CFAP47: variants seen among roughly 807,000 people sequenced by gnomAD.
The protein encoded by CFAP47 is cilia and flagella associated protein 47, also known as cilia- and flagella-associated protein 47.
A neutral mutation model predicts 148.1 loss-of-function variants in CFAP47; 29 were observed. That is an observed-to-expected ratio of 0.20 (90% CI 0.15 to 0.27). The LOEUF (loss-of-function observed/expected upper bound fraction) is 0.27, where lower values mean the gene tolerates loss of function less well. Ranked by LOEUF, CFAP47 falls within the 10% of genes least tolerant of loss-of-function variation. The pLI, the probability that CFAP47 is intolerant of heterozygous loss-of-function variation, is 1.00. For synonymous variants in CFAP47, 664 were observed against 577.3 expected (o/e 1.15, Z -2.15); for missense variants, 1,872 against 1,697.5 (o/e 1.10, Z -1.81).
At chrX:36,355,426 T>C (rs1264617634) in intron 60 of CFAP47, among the ~76,000 whole-genome samples, 1 of 112,122 alleles carries the variant, frequency 8.9e-6, no homozygotes, top group Non-Finnish European at 1.9e-5. Flanking sequence ...TATTCCAATG[T>C]TCATTGTAAC....
intron 40 of CFAP47, among the ~76,000 whole-genome samples, chrX:36,182,373 GT>G (rs1939760227): frequency 9.0e-6 from 1 of 111,520 alleles, no homozygotes; most frequent in African/African-American, 3.3e-5. Context: ...GATTATTGGG[GT>G]AATTAACCAA....
intron 54 of CFAP47, among the ~76,000 whole-genome samples, chrX:36,306,281 G>C (rs782691467): frequency 9.0e-6 from 1 of 111,480 alleles, no homozygotes; most frequent in East Asian, 2.8e-4. Context: ...TATCCTAGCA[G>C]GTCACACCTT....
At position 36,257,835 on chromosome X, in the gene CFAP47, T is replaced by C. The variant is rs147241573; in HGVS notation, c.7444+6391T>C. On this transcript the variant is annotated intron_variant, in intron 49 of 63. Coordinates refer to ENST00000378653, the MANE Select transcript of CFAP47 (RefSeq NM_001304548.2). ...ACTGTAGTCACCAAGGTGCTTTAAA[T>C]ATTTTTACTCCATACTAAAAAACTA... Among the ~76,000 whole-genome samples, 641 of 111,864 alleles carry C rather than the reference T, an allele frequency of 5.7e-3. 8 individuals are homozygous for C. Among genetic ancestry groups the C allele is most frequent in the African/African-American group, 0.019 (585 of 30,781 alleles).
At chrX:36,304,195 A>T (rs1941326794) in intron 54 of CFAP47, among the ~76,000 whole-genome samples, 1 of 110,759 alleles carries the variant, frequency 9.0e-6, no homozygotes, top group Admixed American at 9.7e-5. Flanking sequence ...CAGCCTGCCC[A>T]ACATGGCAAA....
chrX:36,078,921 C>A (rs2146769017), intron 29 of CFAP47, among the ~76,000 whole-genome samples: 1 of 110,891 alleles, frequency 9.0e-6, no homozygotes, highest in South Asian at 3.8e-4. Context: ...GATTTTATTT[C>A]TCCTTCACTT....
At chrX:36,129,933 A>C (rs1421476245) in intron 33 of CFAP47, among the ~76,000 whole-genome samples, 1 of 111,725 alleles carries the variant, frequency 9.0e-6, no homozygotes, top group African/African-American at 3.2e-5. Flanking sequence ...AAATATTTGA[A>C]TAGACATTTC....
intron 42 of CFAP47, among the ~76,000 whole-genome samples, chrX:36,197,124 A>G (rs1367076654): frequency 5.4e-5 from 6 of 111,934 alleles, no homozygotes; most frequent in Non-Finnish European, 1.1e-4. Context: ...TTGATATTGA[A>G]CATGTTAGTC....
chrX:36,167,651 C>G (rs1045122493), intron 39 of CFAP47, among the ~76,000 whole-genome samples: 12 of 111,015 alleles, frequency 1.1e-4, no homozygotes, highest in African/African-American at 3.6e-4. Context: ...GTATCCCATG[C>G]CTCCCAGAAA....
chrX:36,312,725 A>T (rs1490220349), intron 56 of CFAP47, among the ~76,000 whole-genome samples: 7 of 112,143 alleles, frequency 6.2e-5, no homozygotes, highest in Non-Finnish European at 9.4e-5. Context: ...CTATGTAACA[A>T]TAAAACATAG....
intron 15 of CFAP47, among the ~76,000 whole-genome samples, chrX:35,985,297 G>A (rs774024712): frequency 9.0e-6 from 1 of 111,000 alleles, no homozygotes. Context: ...TATTGGGGGT[G>A]CTGTCAAAAG....
Position 36,251,503 on chromosome X carries a change from G to A in CFAP47, c.7444+59G>A, listed in dbSNP as rs1043609657. ...TCCTACTACGCTAAGATGGAAATAT[G>A]ATGAGACAAATAGAAATGCAATTTG... On this transcript the variant is annotated intron_variant, in intron 49 of 63. Transcript: ENST00000378653. 1.6e-5 allele frequency: 7 copies of A among 428,302 alleles called. No individual in the cohort carries two copies. The African/African-American group carries it at 1.8e-4, about 11-fold the overall frequency. The allele number at this position is 428,302 out of a possible 1,213,427, so 35.3% of individuals were successfully genotyped here.
intron 46 of CFAP47, among the ~76,000 whole-genome samples, chrX:36,232,779 G>A (rs782555694): frequency 8.9e-6 from 1 of 111,774 alleles, no homozygotes; most frequent in African/African-American, 3.3e-5. Flanking sequence ...TCTACACACT[G>A]CTTTAAATGT....
At chrX:36,261,997 G>T (rs1350646623) in intron 49 of CFAP47, among the ~76,000 whole-genome samples, 27 of 112,035 alleles carry the variant, frequency 2.4e-4, no homozygotes, top group African/African-American at 8.4e-4. Context: ...GGCCGGGCGG[G>T]GGCTGACCCC....
chrX:36,041,530 A>AG (rs1937404064), intron 25 of CFAP47, among the ~76,000 whole-genome samples: 1 of 111,726 alleles, frequency 9.0e-6, no homozygotes, highest in South Asian at 3.7e-4. Context: ...ATCAAACTAT[A>AG]GAATAATAAT....
intron 22 of CFAP47, among the ~76,000 whole-genome samples, chrX:36,024,998 A>T (rs960386956): frequency 9.0e-6 from 1 of 111,217 alleles, no homozygotes; most frequent in Non-Finnish European, 1.9e-5. Flanking sequence ...TGGATATTGT[A>T]GTTCCTTATT....
Position 35,970,811 on chromosome X carries a change from G to T in CFAP47, c.1858G>T (p.Asp620Tyr). Reference protein sequence around the residue: ...KVPRFNYVNHDFAYTTFEKQQ... With the variant: ...KVPRFNYVNHYFAYTTFEKQQ... ...TCCAAGATTTAACTATGTGAATCATGATTTTGCATATACTACATTTGAAAA... is the reference window on the plus strand; with the variant it reads ...TCCAAGATTTAACTATGTGAATCATTATTTTGCATATACTACATTTGAAAA... Residue 620 changes from aspartate (D) to tyrosine (Y), a missense_variant, in exon 11 of 64, where the codon GAT (aspartate) becomes TAT (tyrosine). Coordinates refer to ENST00000378653, the MANE Select transcript of CFAP47 (RefSeq NM_001304548.2). The T allele has an allele frequency of 8.4e-7, 1 of 1,183,875 alleles. No individual in the cohort carries two copies. The highest frequency in any genetic ancestry group is 1.1e-6 in the Non-Finnish European group (1 of 880,422).
intron 45 of CFAP47, among the ~76,000 whole-genome samples, chrX:36,212,420 C>T (rs887861240): frequency 2.7e-5 from 3 of 111,188 alleles, no homozygotes; most frequent in Admixed American, 1.9e-4. Context: ...AGAATCTGCT[C>T]GTTGATTTAT....
chrX:36,252,531 C>T (rs1434680239), intron 49 of CFAP47, among the ~76,000 whole-genome samples: 1 of 110,607 alleles, frequency 9.0e-6, no homozygotes, highest in East Asian at 2.8e-4. Flanking sequence ...GAAATCTTCC[C>T]CTTGTTTTTG....
In CFAP47 at chrX:36,319,113, T is replaced by G. The variant is rs1432667839; in HGVS notation, c.8345-96T>G. Reference sequence around the variant, plus strand: ...AAAGATATTCATCTTATAAGTTTCCTATTAGAGGATAATTTTTATTCTATT... The same window carrying G: ...AAAGATATTCATCTTATAAGTTTCCGATTAGAGGATAATTTTTATTCTATT... On this transcript the variant is annotated intron_variant, in intron 56 of 63. Transcript: ENST00000378653. The G allele has an allele frequency of 1.5e-5, 6 of 408,310 alleles. No homozygotes were observed. In the Admixed American group the frequency reaches 2.6e-4, roughly 18 times the overall value. 33.6% of individuals were successfully genotyped at this position (408,310 alleles called of 1,213,427 possible).
Sources: allele counts gnomAD v4.1 joint callset (sites outside exome capture counted in the v4.1 genomes callset), GRCh38; gene constraint gnomAD v4.1.1; transcripts MANE v1.5; gene names NCBI Gene and HGNC (gene_info 2026-07-23, HGNC 2026-07-21).